Variants in CSMD3 observed in about 807,000 individuals in gnomAD.
CSMD3 encodes the protein CUB and Sushi multiple domains 3, also known as CUB and sushi domain-containing protein 3.
Under a neutral mutation model 435.2 loss-of-function variants are expected in CSMD3, and 177 were observed. The ratio of observed to expected loss-of-function variants is 0.41; its 90% CI spans 0.36 to 0.46. The LOEUF is 0.46. Ranked by LOEUF, CSMD3 falls within the 20% of genes least tolerant of loss-of-function variation. CSMD3 has a pLI of 0.34. For synonymous variants in CSMD3, 1,656 were observed against 1,520.5 expected (o/e 1.09, Z -2.07); for missense variants, 4,265 against 4,504.6 (o/e 0.95, Z 1.52).
intron 13 of CSMD3, among the ~76,000 whole-genome samples, chr8:112,730,014 T>C (rs1394627168): frequency 2.6e-5 from 4 of 152,146 alleles, no homozygotes; most frequent in South Asian, 2.1e-4. Flanking sequence ...ATTTGAGCTT[T>C]GTAGTTATAA....
Position 113,264,446 on chromosome 8 carries a change from C to T in CSMD3, c.514+14146G>A, listed in dbSNP as rs74478727. Among the ~76,000 whole-genome samples the T allele has an allele frequency of 1.5e-3, 224 of 150,966 alleles. 2 individuals carry two copies. The East Asian group carries it at 0.04, about 27-fold the overall frequency. ...GGAAATTCATTGTGAAACAGGATTA[C>T]ATAATAAGTTTGATCACTTTATTTC... On this transcript the variant is annotated intron_variant, in intron 3 of 70. Coordinates refer to ENST00000297405, the MANE Select transcript of CSMD3 (RefSeq NM_198123.2).
intron 19 of CSMD3, among the ~76,000 whole-genome samples, chr8:112,648,982 T>C (rs549948501): frequency 6.6e-6 from 1 of 152,226 alleles, no homozygotes; most frequent in African/African-American, 2.4e-5. Flanking sequence ...CTAATTAGAG[T>C]GACAGGGAAG....
At chr8:113,369,912 A>T (rs1050740029) in intron 1 of CSMD3, among the ~76,000 whole-genome samples, 18 of 151,852 alleles carry the variant, frequency 1.2e-4, no homozygotes, top group Non-Finnish European at 2.5e-4. Flanking sequence ...AGGCAGTGAC[A>T]GTGGGGGATT....
intron 10 of CSMD3, among the ~76,000 whole-genome samples, chr8:112,905,671 A>T (rs1025827849): frequency 6.6e-6 from 1 of 151,420 alleles, no homozygotes; most frequent in Non-Finnish European, 1.5e-5. Context: ...AATGCAACTT[A>T]CTATATATGA....
chr8:112,812,745 C>G lies in CSMD3; in HGVS notation c.1860-12471G>C, dbSNP rs1587368472. ...TTATTTGTTAATTTAAAAAATGCTT[C>G]TTTAATACATGTTTATTTACAGGCT... On this transcript the variant is annotated intron_variant, in intron 12 of 70. Coordinates refer to ENST00000297405, the MANE Select transcript of CSMD3 (RefSeq NM_198123.2). Among the ~76,000 whole-genome samples, 4 of 152,236 alleles carry G rather than the reference C, an allele frequency of 2.6e-5. No individual in the cohort carries two copies. The South Asian group carries it at 8.3e-4, about 32-fold the overall frequency.
In CSMD3 at chr8:112,976,036, A is replaced by C; in HGVS notation, c.1143T>G (p.Ser381Arg). The part of the protein sequence containing the change: ...ASTPADVTVS[S>R]VTAVTIHRLS... ...GTCTATGGATGGTGACAGCTGTAACACTGGATACAGTAACATCTGCAGGTG... is the reference window on the plus strand; with the variant it reads ...GTCTATGGATGGTGACAGCTGTAACCCTGGATACAGTAACATCTGCAGGTG... The change falls in exon 7 of 71, where the codon AGT becomes AGG. Residue 381 changes from serine to arginine, a missense_variant. Ser to Arg is a moderately radical substitution (Grantham distance 110). Around this residue, in one of 3 missense-constraint regions of CSMD3, gnomAD observed 731 missense variants for 755.4 expected, o/e 0.97. Coordinates refer to ENST00000297405, the MANE Select transcript of CSMD3 (RefSeq NM_198123.2). 6.2e-7 allele frequency: 1 copy of C among 1,614,042 alleles called. No individual in the cohort carries two copies. Among genetic ancestry groups the C allele is most frequent in the Non-Finnish European group, 8.5e-7 (1 of 1,179,956 alleles).
At chr8:112,291,718 A>G in intron 55 of CSMD3, 23 bp from the exon 56 acceptor site, 1 of 1,547,730 alleles carries the variant, frequency 6.5e-7, no homozygotes, top group Non-Finnish European at 8.9e-7. Context: ...CAAATTTTGA[A>G]ACATATGTTT....
chr8:112,512,374 T>A (rs1823228332), intron 28 of CSMD3, among the ~76,000 whole-genome samples: 1 of 152,200 alleles, frequency 6.6e-6, no homozygotes, highest in Non-Finnish European at 1.5e-5. Flanking sequence ...CATAAAAACA[T>A]TAATCTCTTT....
intron 13 of CSMD3, among the ~76,000 whole-genome samples, chr8:112,705,178 G>A (rs1013361501): frequency 2.6e-5 from 4 of 151,974 alleles, no homozygotes; most frequent in Non-Finnish European, 4.4e-5. Context: ...CAGCAGATAC[G>A]AACTTTCTGA....
intron 2 of CSMD3, among the ~76,000 whole-genome samples, chr8:113,292,299 AAC>A (rs1291924394): frequency 6.6e-6 from 1 of 151,826 alleles, no homozygotes; most frequent in Non-Finnish European, 1.5e-5. Flanking sequence ...CATAATATTA[AAC>A]AGTCATGTTC....
chr8:113,173,698 A>G (rs1564391837), intron 4 of CSMD3, 24 bp downstream of exon 4: 2 of 1,562,206 alleles, frequency 1.3e-6, no homozygotes, highest in Admixed American at 1.7e-5. Context: ...AACAACTCTC[A>G]TTTTTAAAGT....
chr8:113,348,637 T>C (rs2094168649), intron 1 of CSMD3, among the ~76,000 whole-genome samples: 1 of 152,082 alleles, frequency 6.6e-6, no homozygotes, highest in African/African-American at 2.4e-5. Flanking sequence ...ACATCGAGAT[T>C]GTGTTCATAT....
intron 1 of CSMD3, among the ~76,000 whole-genome samples, chr8:113,326,741 T>G (rs1316814028): frequency 6.6e-6 from 1 of 152,182 alleles, no homozygotes. Flanking sequence ...CCTTCTGATT[T>G]TATTTTCTTA....
chr8:112,937,002 G>C (rs539045472), intron 9 of CSMD3, among the ~76,000 whole-genome samples: 1 of 152,190 alleles, frequency 6.6e-6, no homozygotes, highest in South Asian at 2.1e-4. Context: ...GCAATGAGGA[G>C]ACCATGAAGG....
At chr8:112,294,496 A>G (rs1820071283) in intron 54 of CSMD3, among the ~76,000 whole-genome samples, 1 of 152,144 alleles carries the variant, frequency 6.6e-6, no homozygotes, top group African/African-American at 2.4e-5. Context: ...TTTAAGATCC[A>G]AAGTAGGATA....
At chr8:112,810,233 T>C (rs1007461946) in intron 12 of CSMD3, among the ~76,000 whole-genome samples, 3 of 152,170 alleles carry the variant, frequency 2.0e-5, no homozygotes, top group Non-Finnish European at 4.4e-5. Flanking sequence ...AGTGAGACCA[T>C]CTTCTTACTA....
intron 22 of CSMD3, among the ~76,000 whole-genome samples, chr8:112,604,762 A>C (rs1369444089): frequency 3.3e-5 from 5 of 152,336 alleles, no homozygotes; most frequent in South Asian, 2.1e-4. Flanking sequence ...AAGCAATAGC[A>C]AGAAATACAA....
In CSMD3 at chr8:112,705,931, G is replaced by A. The variant is rs183519582; in HGVS notation, c.1973-15881C>T. Reference sequence around the variant, plus strand: ...AAGGGAATCCTCCTTGACTTGCCTTGAGGTAGCATTTTAAAAAAACTTAGC... The same window carrying A: ...AAGGGAATCCTCCTTGACTTGCCTTAAGGTAGCATTTTAAAAAAACTTAGC... On this transcript the variant is annotated intron_variant, in intron 13 of 70. Transcript: ENST00000297405. Among the ~76,000 whole-genome samples the A allele has an allele frequency of 4.3e-4, 66 of 152,102 alleles. 1 individual carries two copies. Among genetic ancestry groups the A allele is most frequent in the Admixed American group, 3.9e-3 (59 of 15,238 alleles).
chr8:113,302,489 A>C (rs927111648), intron 2 of CSMD3, among the ~76,000 whole-genome samples: 5 of 151,206 alleles, frequency 3.3e-5, no homozygotes, highest in Non-Finnish European at 7.4e-5. Flanking sequence ...AACTAAATGA[A>C]TTTGAAGAGT....
Sources: gnomAD v4.1 joint callset for allele counts (sites outside exome capture counted in the v4.1 genomes callset) on GRCh38, gnomAD v4.1.1 for gene constraint, gnomAD v4.1.1 regional missense constraint, MANE v1.5 for transcripts, NCBI Gene and HGNC (gene_info 2026-07-23, HGNC 2026-07-21) for gene names.